TYW1B: variants seen among roughly 807,000 people sequenced by gnomAD.
The protein encoded by TYW1B is S-adenosyl-L-methionine-dependent tRNA 4-demethylwyosine synthase TYW1B.
In TYW1B, 73 loss-of-function variants were observed where a neutral mutation model predicts 86.9. The observed-to-expected ratio is 0.84, with a 90% CI of 0.70 to 1.02. TYW1B has a LOEUF of 1.02. TYW1B is among the 50% of genes least tolerant of loss of function. The pLI, the probability that TYW1B is intolerant of heterozygous loss-of-function variation, is 0.00. For synonymous variants in TYW1B, 248 were observed against 292.8 expected (o/e 0.85, Z 1.56); for missense variants, 637 against 827.4 (o/e 0.77, Z 2.82).
chr7:72,805,166 A>C lies in TYW1B; in HGVS notation c.723+1900T>G, dbSNP rs1209896826. Among the ~76,000 whole-genome samples, 3 of 151,108 alleles carry C rather than the reference A, an allele frequency of 2.0e-5. No homozygotes were observed. The Admixed American group carries it at 2.0e-4, about 10-fold the overall frequency. ...AGAGACACACAGATACTACATCAAA[A>C]GGGGCAATGCTTTAATGAAAGGGTT... On this transcript the variant is annotated intron_variant, in intron 5 of 13. Transcript: ENST00000620995.
intron 10 of TYW1B, among the ~76,000 whole-genome samples, chr7:72,709,642 T>C (rs1814702468): frequency 6.6e-6 from 1 of 152,088 alleles, no homozygotes; most frequent in African/African-American, 2.4e-5. Flanking sequence ...CACTCTAGCC[T>C]GGGTGACAGA....
intron 2 of TYW1B, among the ~76,000 whole-genome samples, chr7:72,824,425 T>C (rs1788892556): frequency 6.6e-6 from 1 of 152,012 alleles, no homozygotes; most frequent in Non-Finnish European, 1.5e-5. Context: ...GATTGCAAGA[T>C]CTTGTCTCTA....
rs1341031513 is a variant in TYW1B at position 72,745,089 on chromosome 7, A to G, written c.965-488T>C. On this transcript the variant is annotated intron_variant, in intron 7 of 13. Coordinates refer to ENST00000620995, the MANE Select transcript of TYW1B (RefSeq NM_001145440.3). Reference sequence around the variant, plus strand: ...CCTCAGGCTGCAGTGCAGTGGTGCAATCATAGCTCACTGCAACCTCCAACT... The same window carrying G: ...CCTCAGGCTGCAGTGCAGTGGTGCAGTCATAGCTCACTGCAACCTCCAACT... Among the ~76,000 whole-genome samples the G allele has an allele frequency of 2.6e-5, 4 of 152,158 alleles. No homozygotes were observed. The East Asian group carries it at 7.7e-4, about 29-fold the overall frequency.
chr7:72,729,032 G>T, intron 8 of TYW1B, 101 bp from the exon 9 acceptor site: 3 of 1,140,438 alleles, frequency 2.6e-6, no homozygotes, highest in Non-Finnish European at 3.8e-6. Context: ...ACAAAATCAG[G>T]ACTGGTTTCC....
At chr7:72,756,636 A>G (rs1554466194) in intron 7 of TYW1B, among the ~76,000 whole-genome samples, 2 of 152,190 alleles carry the variant, frequency 1.3e-5, no homozygotes, top group Non-Finnish European at 2.9e-5. Context: ...TCTGGCAGAC[A>G]GGACTGGAGG....
At chr7:72,608,614 C>T (rs1811856213) in intron 13 of TYW1B, among the ~76,000 whole-genome samples, 2 of 152,172 alleles carry the variant, frequency 1.3e-5, no homozygotes, top group African/African-American at 4.8e-5. Flanking sequence ...AAAAGTATGA[C>T]AACTGTATGT....
At chr7:72,591,366 C>T (rs185811701) in intron 13 of TYW1B, among the ~76,000 whole-genome samples, 2,027 of 151,926 alleles carry the variant, frequency 0.013, 13 homozygotes, top group Non-Finnish European at 0.019. Flanking sequence ...GGATAATGAA[C>T]TAAAAAAGAC....
chr7:72,693,379 T>C (rs35786682), intron 11 of TYW1B, among the ~76,000 whole-genome samples: 12 of 151,518 alleles, frequency 7.9e-5, no homozygotes, highest in Admixed American at 5.9e-4. Flanking sequence ...AAATTAACTT[T>C]ATATTTAAAC....
chr7:72,704,921 G>A (rs1182106644), intron 10 of TYW1B, among the ~76,000 whole-genome samples: 1 of 152,008 alleles, frequency 6.6e-6, no homozygotes, highest in Non-Finnish European at 1.5e-5. Flanking sequence ...ATCCAGACAT[G>A]CATGTTTCAG....
chr7:72,709,644 GGT>G (rs2129570631), intron 10 of TYW1B, among the ~76,000 whole-genome samples: 1 of 152,192 alleles, frequency 6.6e-6, no homozygotes, highest in South Asian at 2.1e-4. Flanking sequence ...CTCTAGCCTG[GGT>G]GACAGAGCGA....
At chr7:72,752,369 C>A (rs1554465236) in intron 7 of TYW1B, among the ~76,000 whole-genome samples, 1 of 152,078 alleles carries the variant, frequency 6.6e-6, no homozygotes, top group African/African-American at 2.4e-5. Flanking sequence ...TTTGGAAATA[C>A]AAAACATTCT....
chr7:72,815,365 A>G lies in TYW1B; in HGVS notation c.237+15T>C. On this transcript the variant is annotated intron_variant, in intron 3 of 13. Transcript: ENST00000620995. ...AATTTGAGAGTTTTGATTGAAGAAAAAGACAATTACCAACCTCTTCTATCA... is the reference window on the plus strand; with the variant it reads ...AATTTGAGAGTTTTGATTGAAGAAAGAGACAATTACCAACCTCTTCTATCA... The G allele has an allele frequency of 6.4e-7, 1 of 1,567,116 alleles. No individual in the cohort carries two copies. Among genetic ancestry groups the G allele is most frequent in the Non-Finnish European group, 8.6e-7 (1 of 1,161,790 alleles).
At chr7:72,695,650 T>G (rs1450069936) in intron 10 of TYW1B, among the ~76,000 whole-genome samples, 1 of 152,102 alleles carries the variant, frequency 6.6e-6, no homozygotes, top group African/African-American at 2.4e-5. Flanking sequence ...TGGAGTGCAG[T>G]GGCACAATCA....
chr7:72,703,017 TATATATATA>T (rs1380356145), intron 10 of TYW1B, among the ~76,000 whole-genome samples: 34,837 of 73,010 alleles, frequency 0.48, 6,978 homozygotes, highest in South Asian at 0.59. Context: ...TATATATATA[TATATATATA>T]TTTTTTTTTT....
chr7:72,785,528 A>G (rs1401169385), intron 6 of TYW1B, among the ~76,000 whole-genome samples: 2 of 151,638 alleles, frequency 1.3e-5, no homozygotes, highest in East Asian at 1.9e-4. Context: ...TTTAATCTAC[A>G]TAAGAACTTT....
At chr7:72,826,345 C>T (rs1204604771) in intron 2 of TYW1B, among the ~76,000 whole-genome samples, 3 of 152,160 alleles carry the variant, frequency 2.0e-5, no homozygotes, top group Non-Finnish European at 4.4e-5. Flanking sequence ...CTTAATCTGA[C>T]ACACCTGTAT....
At chr7:72,645,400 G>T (rs1184946895) in intron 11 of TYW1B, among the ~76,000 whole-genome samples, 1 of 152,100 alleles carries the variant, frequency 6.6e-6, no homozygotes, top group Non-Finnish European at 1.5e-5. Flanking sequence ...ATGACTGAAC[G>T]CAGAACACCC....
At chr7:72,743,529 C>G (rs1234872147) in intron 8 of TYW1B, among the ~76,000 whole-genome samples, 1 of 151,996 alleles carries the variant, frequency 6.6e-6, no homozygotes, top group Admixed American at 6.6e-5. Flanking sequence ...GAAGAGTAAG[C>G]AGTTGTAAGT....
intron 13 of TYW1B, among the ~76,000 whole-genome samples, chr7:72,601,155 A>T (rs536201576): frequency 0.048 from 7,338 of 151,520 alleles, 274 homozygotes; most frequent in Non-Finnish European, 0.073. Flanking sequence ...ATATAAAAAA[A>T]AAAAATAAAA....
Sources: gnomAD v4.1 joint callset for allele counts (sites outside exome capture counted in the v4.1 genomes callset) on GRCh38, gnomAD v4.1.1 for gene constraint, MANE v1.5 for transcripts, NCBI Gene and HGNC (gene_info 2026-07-23, HGNC 2026-07-21) for gene names.